The following TTC13 variants were observed in gnomAD, a reference collection of about 807,000 sequenced individuals.
TTC13 encodes tetratricopeptide repeat protein 13.
TTC13 carries 62 observed loss-of-function variants against 120.0 expected under a neutral mutation model. That is an observed-to-expected ratio of 0.52 (90% CI 0.42 to 0.64). TTC13 has a LOEUF of 0.64. TTC13 is among the 30% of genes least tolerant of loss of function. TTC13 has a pLI of 0.00. For missense variants in TTC13, 824 were observed against 1,050.2 expected (o/e 0.78, Z 2.98); for synonymous variants, 384 against 393.5 (o/e 0.98, Z 0.28).
intron 16 of TTC13, among the ~76,000 whole-genome samples, chr1:230,920,952 T>C (rs769129950): frequency 1.3e-5 from 2 of 152,212 alleles, no homozygotes; most frequent in Non-Finnish European, 2.9e-5. Context: ...TGTGGATGTT[T>C]TGTGTTGTTT....
chr1:230,959,570 G>A (rs1254242319), intron 2 of TTC13, among the ~76,000 whole-genome samples: 2 of 152,120 alleles, frequency 1.3e-5, no homozygotes, highest in African/African-American at 4.8e-5. Flanking sequence ...TAGTAGAGAC[G>A]GGGTTTCTCC....
In TTC13 at chr1:230,975,153, C is replaced by T. The variant is rs372067719; in HGVS notation, c.271+3407G>A. ...ACTTTGGGAGGCTGAGGTGGAAGTA[C>T]TGCTTGAGTCCAGGAGTTTGACCAG... On this transcript the variant is annotated intron_variant, in intron 1 of 22. Transcript: ENST00000366661. 5.3e-5 allele frequency among the ~76,000 whole-genome samples: 8 copies of T among 151,750 alleles called. No homozygotes were observed. The East Asian group carries it at 7.8e-4, about 15-fold the overall frequency.
At chr1:230,925,724 C>A in intron 12 of TTC13, 77 bp from the exon 13 acceptor site, 1 of 1,526,224 alleles carries the variant, frequency 6.6e-7, no homozygotes, top group Non-Finnish European at 9.0e-7. Flanking sequence ...GAGAAGCAGT[C>A]ACTTCCTCCA....
chr1:230,963,832 A>C (rs1470343259), intron 1 of TTC13, among the ~76,000 whole-genome samples: 1 of 152,022 alleles, frequency 6.6e-6, no homozygotes, highest in Non-Finnish European at 1.5e-5. Context: ...TTTGTGTTGG[A>C]AAAGAAAAAG....
At chr1:230,960,968 A>G (rs1053572708) in intron 2 of TTC13, among the ~76,000 whole-genome samples, 1 of 152,254 alleles carries the variant, frequency 6.6e-6, no homozygotes, top group African/African-American at 2.4e-5. Flanking sequence ...ATAAGGTTTA[A>G]CTATAATGTC....
intron 4 of TTC13, among the ~76,000 whole-genome samples, chr1:230,946,450 G>A (rs571586825): frequency 3.9e-4 from 60 of 152,092 alleles, no homozygotes; most frequent in Non-Finnish European, 6.6e-4. Flanking sequence ...AAGATAACAC[G>A]CATTTAAATT....
At chr1:230,975,671 AAAAT>A (rs1239668583) in intron 1 of TTC13, among the ~76,000 whole-genome samples, 2 of 152,272 alleles carry the variant, frequency 1.3e-5, no homozygotes, top group Non-Finnish European at 2.9e-5. Context: ...TAAAAAGGTA[AAAAT>A]AAATAAAATA....
At position 230,924,935 on chromosome 1, in the gene TTC13, G is replaced by T. The variant is rs1309628220; in HGVS notation, c.1627C>A (p.Gln543Lys). The change falls in exon 14 of 23, where the codon CAG (glutamine) becomes AAG (lysine). Residue 543 changes from glutamine (Q) to lysine (K), a missense_variant. By Grantham distance (53) the Gln-to-Lys change is moderately conservative. Around this residue, in one of 4 missense-constraint regions of TTC13, gnomAD observed 430 missense variants for 626.8 expected, o/e 0.69. Coordinates refer to ENST00000366661, the MANE Select transcript of TTC13 (RefSeq NM_024525.5). ...LAALEVMQAV[Q>K]RTWTNSKVRM... Reference sequence around the variant, plus strand: ...ACTTTCGAGTTGGTCCATGTACGCTGCACGGCTTGCATGACCTCCAATGCG... The same window carrying T: ...ACTTTCGAGTTGGTCCATGTACGCTTCACGGCTTGCATGACCTCCAATGCG... 4.3e-6 allele frequency: 7 copies of T among 1,614,172 alleles called. No individual in the cohort carries two copies. The highest frequency in any genetic ancestry group is 3.3e-5 in the South Asian group (3 of 91,082).
At chr1:230,929,157 C>T (rs1166650879) in intron 11 of TTC13, 64 bp from the exon 12 acceptor site, 2 of 1,484,102 alleles carry the variant, frequency 1.3e-6, no homozygotes, top group East Asian at 2.3e-5. Context: ...TTATGGCTAG[C>T]TGCCATACAA....
At chr1:230,916,001 G>T (rs1165290462) in intron 18 of TTC13, among the ~76,000 whole-genome samples, 192 bp downstream of exon 18, 2 of 152,084 alleles carry the variant, frequency 1.3e-5, no homozygotes, top group Non-Finnish European at 2.9e-5. Context: ...GTCAGAAAAT[G>T]TATCTGCTGG....
chr1:230,973,927 A>C (rs1394632842), intron 1 of TTC13, among the ~76,000 whole-genome samples: 2 of 152,196 alleles, frequency 1.3e-5, no homozygotes, highest in African/African-American at 4.8e-5. Context: ...AATACAAAAA[A>C]TTAGTCAGGC....
Position 230,939,576 on chromosome 1 carries a change from G to A in TTC13, c.790-80C>T. 6 of 931,476 alleles carry A rather than the reference G, an allele frequency of 6.4e-6. No homozygotes were observed. The Admixed American group carries it at 9.5e-5, about 15-fold the overall frequency. 57.7% of individuals were successfully genotyped at this position (931,476 alleles called of 1,614,324 possible). A position where few individuals can be genotyped will look rare whatever the true frequency, so the allele number is the denominator to read the frequency against. ...CATTTCCTAATTTTTGGCTGGTAGAGAAAAAAAATCTCAATTCATCCTCTG... is the reference window on the plus strand; with the variant it reads ...CATTTCCTAATTTTTGGCTGGTAGAAAAAAAAAATCTCAATTCATCCTCTG... On this transcript the variant is annotated intron_variant, in intron 7 of 22. Coordinates refer to ENST00000366661, the MANE Select transcript of TTC13 (RefSeq NM_024525.5).
chr1:230,959,099 T>G (rs1329598133), intron 2 of TTC13, among the ~76,000 whole-genome samples: 1 of 152,238 alleles, frequency 6.6e-6, no homozygotes, highest in Non-Finnish European at 1.5e-5. Flanking sequence ...TAATTTTTAT[T>G]TGTCAATTAC....
intron 1 of TTC13, among the ~76,000 whole-genome samples, chr1:230,972,722 C>T (rs1356589111): frequency 1.3e-5 from 2 of 152,204 alleles, no homozygotes; most frequent in African/African-American, 4.8e-5. Context: ...TAACCCTTAT[C>T]ACCTGAAGTT....
intron 1 of TTC13, among the ~76,000 whole-genome samples, chr1:230,964,176 C>G (rs1055939590): frequency 6.6e-6 from 1 of 152,140 alleles, no homozygotes; most frequent in Non-Finnish European, 1.5e-5. Flanking sequence ...CTTAACCATA[C>G]TTTTATCACT....
At position 230,961,284 on chromosome 1, in the gene TTC13, G is replaced by C; in HGVS notation, c.291C>G (p.Phe97Leu). 6.2e-7 allele frequency: 1 copy of C among 1,613,786 alleles called. No individual in the cohort carries two copies. The highest frequency in any genetic ancestry group is 8.5e-7 in the Non-Finnish European group (1 of 1,179,806). Residue 97 changes from phenylalanine to leucine, a missense_variant, in exon 2 of 23, where the codon TTC becomes TTG. This residue lies in a region of TTC13 where 160 missense variants were observed against 137.2 expected (regional missense o/e 1.17). Coordinates refer to ENST00000366661, the MANE Select transcript of TTC13 (RefSeq NM_024525.5). ...CCTTGGGTTCGCAGTCTGAGTCATG[G>C]AAGTTCAAAAAGGATGACTCTGAAA... ...AECGESSFLN[F>L]HDSDCEPKGS...
At chr1:230,926,096 T>C (rs1673027924) in intron 12 of TTC13, among the ~76,000 whole-genome samples, 1 of 152,118 alleles carries the variant, frequency 6.6e-6, no homozygotes, top group Non-Finnish European at 1.5e-5. Flanking sequence ...GATGCTTTTA[T>C]AACAAAGACT....
At chr1:230,967,864 T>C (rs1488386371) in intron 1 of TTC13, among the ~76,000 whole-genome samples, 3 of 152,200 alleles carry the variant, frequency 2.0e-5, no homozygotes, top group Non-Finnish European at 4.4e-5. Context: ...AGGAAAAGCA[T>C]TAGTTTTCTT....
At chr1:230,961,333 T>G in intron 1 of TTC13, 30 bp from the exon 2 acceptor site, 14 of 1,503,012 alleles carry the variant, frequency 9.3e-6, no homozygotes, top group Non-Finnish European at 1.2e-5. Context: ...TGTTATTCTC[T>G]ACACCTTAAT....
Sources: allele counts gnomAD v4.1 joint callset (sites outside exome capture counted in the v4.1 genomes callset), GRCh38; gene constraint gnomAD v4.1.1; regional missense constraint gnomAD v4.1.1; transcripts MANE v1.5; gene names NCBI Gene and HGNC (gene_info 2026-07-23, HGNC 2026-07-21).